EPB41L3: variants seen among roughly 807,000 people sequenced by gnomAD.
EPB41L3 encodes the protein band 4.1-like protein 3.
Under a neutral mutation model 127.1 loss-of-function variants are expected in EPB41L3, and 57 were observed. The ratio of observed to expected loss-of-function variants is 0.45; its 90% CI spans 0.36 to 0.56. The LOEUF is 0.56. Among genes scored for constraint, EPB41L3 ranks in the 20% least tolerant of loss-of-function variants. The probability of loss-of-function intolerance (pLI) is 0.00; values close to 1 mark genes in which losing one functional copy is unlikely to be tolerated. For missense variants in EPB41L3, 1,273 were observed against 1,372.2 expected (o/e 0.93, Z 1.14); for synonymous variants, 572 against 549.5 (o/e 1.04, Z -0.57).
chr18:5,445,359 G>T, intron 3 of EPB41L3, 115 bp from the exon 4 acceptor site: 2 of 788,058 alleles, frequency 2.5e-6, no homozygotes, highest in Non-Finnish European at 4.1e-6. Flanking sequence ...TTTAGGGAGT[G>T]ACCAACAGTG....
At chr18:5,567,649 AAAGG>A (rs940112548) in intron 3 of EPB41L3, among the ~76,000 whole-genome samples, 11 of 151,962 alleles carry the variant, frequency 7.2e-5, no homozygotes, top group East Asian at 3.9e-4. Flanking sequence ...AGGAAGGAAG[AAAGG>A]AAGGAAGGAA....
intron 1 of EPB41L3, among the ~76,000 whole-genome samples, chr18:5,530,316 A>G (rs2093369891): frequency 6.6e-6 from 1 of 152,194 alleles, no homozygotes; most frequent in Non-Finnish European, 1.5e-5. Flanking sequence ...AGAAACTGTT[A>G]AGGAGTTCAC....
chr18:5,415,974 G>A lies in EPB41L3; in HGVS notation c.1911C>T (p.Leu637=). 1 of 1,614,142 alleles carries A rather than the reference G, an allele frequency of 6.2e-7. No individual in the cohort carries two copies. Among genetic ancestry groups the A allele is most frequent in the Non-Finnish European group, 8.5e-7 (1 of 1,180,032 alleles). ...IRSPSLVPCF[L]FIFFFLLSAS... is the part of the protein sequence containing the mutation. ...CAGACAGCAGAAAGAAAAAGATGAA[G>A]AGGAAACAGGGCACAAGGGACGGTG... The change falls in exon 13 of 23, where the codon CTC becomes CTT. Residue 637 remains leucine (L), a synonymous_variant. Coordinates refer to ENST00000341928, the MANE Select transcript of EPB41L3 (RefSeq NM_012307.5).
rs74361598 is a variant in EPB41L3, at chr18:5,496,372, C to T, written c.-11-7178G>A. On this transcript the variant is annotated intron_variant, in intron 1 of 22. Coordinates refer to ENST00000341928, the MANE Select transcript of EPB41L3 (RefSeq NM_012307.5). ...ATCTTTGGTTGATCCCACATGTACC[C>T]AAATACATTTTAATAAGCAAAGGAA... Among the ~76,000 whole-genome samples, 1,096 of 152,316 alleles carry T rather than the reference C, an allele frequency of 7.2e-3. 7 individuals are homozygous for T. Among genetic ancestry groups the T allele is most frequent in the Non-Finnish European group, 0.012 (845 of 68,034 alleles).
At chr18:5,617,030 TAATGCC>T (rs1568653861) in intron 1 of EPB41L3, among the ~76,000 whole-genome samples, 32 of 152,334 alleles carry the variant, frequency 2.1e-4, no homozygotes, top group African/African-American at 7.5e-4. Flanking sequence ...CTTTAAAAGA[TAATGCC>T]TAACTGTTTT....
At chr18:5,406,633 A>G (rs2075428465) in intron 16 of EPB41L3, 144 bp downstream of exon 16, 1 of 665,580 alleles carries the variant, frequency 1.5e-6, no homozygotes, top group East Asian at 2.7e-5. Flanking sequence ...TTTCTGTTGG[A>G]GCACTGAGCA....
chr18:5,399,171 G>C (rs1009179199), intron 16 of EPB41L3: 65 of 398,944 alleles, frequency 1.6e-4, no homozygotes, highest in Non-Finnish European at 1.2e-4. Context: ...TTTTCCTAGA[G>C]TGTATATTTT....
intron 3 of EPB41L3, among the ~76,000 whole-genome samples, chr18:5,567,674 G>T (rs1225385494): frequency 6.6e-6 from 1 of 152,044 alleles, no homozygotes; most frequent in African/African-American, 2.4e-5. Context: ...GGGAGGGGTT[G>T]CTAAACCCTG....
At chr18:5,428,121 T>C (rs745621708) in intron 9 of EPB41L3, among the ~76,000 whole-genome samples, 192 bp downstream of exon 9, 2 of 152,180 alleles carry the variant, frequency 1.3e-5, no homozygotes, top group Non-Finnish European at 2.9e-5. Context: ...GTAGGAAATA[T>C]TGGAACAATA....
chr18:5,610,080 G>C, intron 3 of EPB41L3: 15 of 984,324 alleles, frequency 1.5e-5, no homozygotes, highest in Non-Finnish European at 1.7e-5. Context: ...CGATTCATCT[G>C]ACAGTTTTCT....
chr18:5,527,262 A>T (rs1013978292), intron 1 of EPB41L3, among the ~76,000 whole-genome samples: 1 of 152,206 alleles, frequency 6.6e-6, no homozygotes, highest in African/African-American at 2.4e-5. Context: ...GCACACACTG[A>T]TTCTCTCGTA....
intron 1 of EPB41L3, among the ~76,000 whole-genome samples, chr18:5,525,562 A>G (rs1003031000): frequency 9.2e-5 from 14 of 152,226 alleles, no homozygotes; most frequent in Non-Finnish European, 1.6e-4. Flanking sequence ...AGCTGGGATT[A>G]TATGTAGAGA....
rs148618039 is a variant in EPB41L3, at chr18:5,449,872, T to C, written c.382-4628A>G. On this transcript the variant is annotated intron_variant, in intron 3 of 22. Transcript: ENST00000341928. Reference sequence around the variant, plus strand: ...CTATACATATATACTTATGATAAAGTTTAATTTATAAAATAGGCACAGTAA... The same window carrying C: ...CTATACATATATACTTATGATAAAGCTTAATTTATAAAATAGGCACAGTAA... Among the ~76,000 whole-genome samples the C allele has an allele frequency of 4.2e-3, 641 of 152,306 alleles. 10 individuals are homozygous for C. The South Asian group carries it at 0.051, about 12-fold the overall frequency.
chr18:5,497,129 A>G (rs2091259002), intron 1 of EPB41L3, among the ~76,000 whole-genome samples: 1 of 152,180 alleles, frequency 6.6e-6, no homozygotes, highest in Non-Finnish European at 1.5e-5. Flanking sequence ...GCAAGGAATG[A>G]AAAGAAGGCC....
chr18:5,553,625 G>T (rs979852453), intron 3 of EPB41L3, among the ~76,000 whole-genome samples: 1 of 152,198 alleles, frequency 6.6e-6, no homozygotes, highest in African/African-American at 2.4e-5. Context: ...AAAGGCGAAT[G>T]CTCTCATCCA....
At chr18:5,577,586 G>A (rs2094349033) in intron 3 of EPB41L3, 1 of 248,276 alleles carries the variant, frequency 4.0e-6, no homozygotes, top group African/African-American at 2.3e-5. Flanking sequence ...ATTTTATAGT[G>A]TCCTTCAGAT....
At chr18:5,523,684 C>A (rs569206566) in intron 1 of EPB41L3, among the ~76,000 whole-genome samples, 1 of 152,116 alleles carries the variant, frequency 6.6e-6, no homozygotes, top group East Asian at 1.9e-4. Context: ...ACCTGGGAGG[C>A]TGAGGCAGGA....
chr18:5,509,205 C>T (rs2092390799), intron 1 of EPB41L3, among the ~76,000 whole-genome samples: 1 of 152,198 alleles, frequency 6.6e-6, no homozygotes, highest in Non-Finnish European at 1.5e-5. Context: ...CCAAAGAACA[C>T]AAGGTGGCCA....
intron 6 of EPB41L3, 80 bp from the exon 7 acceptor site, chr18:5,434,201 G>T: frequency 8.9e-7 from 1 of 1,127,942 alleles, no homozygotes; most frequent in Non-Finnish European, 1.3e-6. Context: ...AAAATCGTGG[G>T]CAAATAATTT....
Sources: allele counts gnomAD v4.1 joint callset (sites outside exome capture counted in the v4.1 genomes callset), GRCh38; gene constraint gnomAD v4.1.1; transcripts MANE v1.5; gene names NCBI Gene and HGNC (gene_info 2026-07-23, HGNC 2026-07-21).